Variants in ANGPT1 observed in about 807,000 individuals in gnomAD.
ANGPT1 encodes angiopoietin 1, also known as angiopoietin-1.
Under a neutral mutation model 62.2 loss-of-function variants are expected in ANGPT1, and 17 were observed. The observed-to-expected ratio is 0.27, with a 90% CI of 0.19 to 0.41. ANGPT1 has a LOEUF of 0.41. Among genes scored for constraint, ANGPT1 ranks in the 10% least tolerant of loss-of-function variants. The pLI is 1.00. For missense variants in ANGPT1, 478 were observed against 594.9 expected (o/e 0.80, Z 2.04); for synonymous variants, 199 against 198.9 (o/e 1.00, Z 0.00).
In ANGPT1 at chr8:107,413,373, T is replaced by C. The variant is rs116390423; in HGVS notation, c.298-66276A>G. ...TGCCTCGAATCTTCTGTAGCTATTT[T>C]GCTCCTGACTCAGGTAAAATGGAAA... On this transcript the variant is annotated intron_variant, in intron 1 of 8. Transcript: ENST00000517746. Among the ~76,000 whole-genome samples the C allele has an allele frequency of 9.7e-3, 1,483 of 152,200 alleles. 32 individuals are homozygous for C. Among genetic ancestry groups the C allele is most frequent in the African/African-American group, 0.033 (1,377 of 41,540 alleles).
chr8:107,404,473 T>A (rs1817107005), intron 1 of ANGPT1, among the ~76,000 whole-genome samples: 1 of 152,134 alleles, frequency 6.6e-6, no homozygotes, highest in Non-Finnish European at 1.5e-5. Flanking sequence ...AATCATACTA[T>A]ACAAATGGTT....
intron 2 of ANGPT1, among the ~76,000 whole-genome samples, chr8:107,341,653 A>AT: frequency 6.7e-6 from 1 of 148,844 alleles, no homozygotes; most frequent in African/African-American, 2.4e-5. Flanking sequence ...ATTATAACAT[A>AT]ATAATATAAC....
At chr8:107,460,384 TGG>T (rs1181420160) in intron 1 of ANGPT1, among the ~76,000 whole-genome samples, 1 of 152,126 alleles carries the variant, frequency 6.6e-6, no homozygotes, top group Admixed American at 6.6e-5. Flanking sequence ...AAAAGGCAAC[TGG>T]CTGCCTATTT....
rs1816161281 is a variant in ANGPT1, at chr8:107,361,475, T to C, written c.298-14378A>G. Among the ~76,000 whole-genome samples the C allele has an allele frequency of 4.0e-5, 6 of 148,254 alleles. No individual in the cohort carries two copies. The South Asian group carries it at 1.3e-3, about 31-fold the overall frequency. ...GATCTATCTATAAATATAGAATATA[T>C]ACATACATATGTATCTGTGTATCTA... On this transcript the variant is annotated intron_variant, in intron 1 of 8. Coordinates refer to ENST00000517746, the MANE Select transcript of ANGPT1 (RefSeq NM_001146.5).
chr8:107,436,937 T>C (rs1004458071), intron 1 of ANGPT1, among the ~76,000 whole-genome samples: 11 of 152,224 alleles, frequency 7.2e-5, no homozygotes, highest in African/African-American at 2.4e-4. Flanking sequence ...TATATGCTAG[T>C]ATATTTAAAC....
chr8:107,370,168 G>GAA (rs1459415305), intron 1 of ANGPT1, among the ~76,000 whole-genome samples: 5 of 107,056 alleles, frequency 4.7e-5, no homozygotes, highest in Non-Finnish European at 7.9e-5. Context: ...AAGAAAGAAA[G>GAA]AGAGAAAGAA....
At chr8:107,389,870 G>A (rs570887280) in intron 1 of ANGPT1, among the ~76,000 whole-genome samples, 6 of 151,582 alleles carry the variant, frequency 4.0e-5, no homozygotes, top group African/African-American at 1.2e-4. Flanking sequence ...CAAGGGTGCT[G>A]TACCATCCCT....
intron 1 of ANGPT1, among the ~76,000 whole-genome samples, chr8:107,394,872 A>T (rs1430741992): frequency 6.6e-6 from 1 of 152,200 alleles, no homozygotes; most frequent in South Asian, 2.1e-4. Context: ...ACTCATAAAA[A>T]TATGTAGCTC....
intron 1 of ANGPT1, among the ~76,000 whole-genome samples, chr8:107,448,860 T>C (rs1044689566): frequency 2.0e-5 from 3 of 152,154 alleles, no homozygotes; most frequent in Non-Finnish European, 4.4e-5. Context: ...GCCAGAACTA[T>C]ATGCAAAGAG....
In ANGPT1 at chr8:107,333,332, C is replaced by G. The variant is rs1039412089; in HGVS notation, c.575+2818G>C. ...TTGATAGAAAAATACCCCAGAACCA[C>G]ATGTGAGATAATGCCATACTTGAGG... On this transcript the variant is annotated intron_variant, in intron 3 of 8. Coordinates refer to ENST00000517746, the MANE Select transcript of ANGPT1 (RefSeq NM_001146.5). Among the ~76,000 whole-genome samples the G allele has an allele frequency of 2.6e-5, 4 of 152,034 alleles. No homozygotes were observed. The South Asian group carries it at 8.3e-4, about 32-fold the overall frequency.
chr8:107,479,834 GCTTT>G (rs1449214366), intron 1 of ANGPT1, among the ~76,000 whole-genome samples: 1 of 152,076 alleles, frequency 6.6e-6, no homozygotes, highest in Admixed American at 6.6e-5. Context: ...GGTCTATGAA[GCTTT>G]TAAAAATACT....
chr8:107,450,537 G>A (rs180965196), intron 1 of ANGPT1, among the ~76,000 whole-genome samples: 1 of 151,908 alleles, frequency 6.6e-6, no homozygotes, highest in Admixed American at 6.6e-5. Flanking sequence ...AGTTTGGATC[G>A]GAATAACAAG....
intron 7 of ANGPT1, among the ~76,000 whole-genome samples, chr8:107,269,504 G>A (rs1232538520): frequency 6.6e-6 from 1 of 152,002 alleles, no homozygotes; most frequent in Non-Finnish European, 1.5e-5. Flanking sequence ...GGATGGCTTT[G>A]CACCTGACTA....
chr8:107,448,755 T>C (rs1811684723), intron 1 of ANGPT1, among the ~76,000 whole-genome samples: 1 of 152,112 alleles, frequency 6.6e-6, no homozygotes, highest in African/African-American at 2.4e-5. Flanking sequence ...AAAAAGAACG[T>C]CTTTAGATAA....
intron 5 of ANGPT1, among the ~76,000 whole-genome samples, chr8:107,297,899 A>T (rs1221539034): frequency 4.0e-5 from 6 of 151,890 alleles, no homozygotes; most frequent in South Asian, 4.1e-4. Flanking sequence ...AAGGAAATTT[A>T]AAAAAATAGA....
chr8:107,363,294 T>C (rs955549503), intron 1 of ANGPT1, among the ~76,000 whole-genome samples: 1 of 152,184 alleles, frequency 6.6e-6, no homozygotes, highest in African/African-American at 2.4e-5. Context: ...GTCAGATACT[T>C]ATACTTCGAT....
intron 4 of ANGPT1, 140 bp downstream of exon 4, chr8:107,321,755 CT>C: frequency 1.5e-6 from 1 of 649,702 alleles, no homozygotes; most frequent in Non-Finnish European, 2.5e-6. Flanking sequence ...ATCAACATAA[CT>C]TCATAAATGA....
chr8:107,453,273 C>T (rs750168686), intron 1 of ANGPT1, among the ~76,000 whole-genome samples: 2 of 152,038 alleles, frequency 1.3e-5, no homozygotes, highest in African/African-American at 2.4e-5. Flanking sequence ...CAAAGATGCT[C>T]ATTGCAATAC....
chr8:107,476,184 C>T (rs1691082139), intron 1 of ANGPT1, among the ~76,000 whole-genome samples: 1 of 152,080 alleles, frequency 6.6e-6, no homozygotes, highest in African/African-American at 2.4e-5. Context: ...TAGAACCAAC[C>T]CAAATGCCCA....
Sources: allele counts gnomAD v4.1 joint callset (sites outside exome capture counted in the v4.1 genomes callset), GRCh38; gene constraint gnomAD v4.1.1; transcripts MANE v1.5; gene names NCBI Gene and HGNC (gene_info 2026-07-23, HGNC 2026-07-21).